CCDC91: variants seen among roughly 807,000 people sequenced by gnomAD.
CCDC91 encodes coiled-coil domain containing 91.
In CCDC91, 48 loss-of-function variants were observed where a neutral mutation model predicts 63.2. The observed-to-expected ratio is 0.76, with a 90% CI of 0.60 to 0.97. The LOEUF (loss-of-function observed/expected upper bound fraction) is 0.97, where lower values mean the gene tolerates loss of function less well. Among genes scored for constraint, CCDC91 ranks in the 50% least tolerant of loss-of-function variants. CCDC91 has a pLI of 0.00. For synonymous variants in CCDC91, 167 were observed against 165.8 expected (o/e 1.01, Z -0.06); for missense variants, 500 against 494.6 (o/e 1.01, Z -0.10).
intron 3 of CCDC91, among the ~76,000 whole-genome samples, chr12:28,284,653 CAA>C (rs536311445): frequency 3.7e-5 from 5 of 134,796 alleles, no homozygotes; most frequent in Admixed American, 7.5e-5. Flanking sequence ...AACTAGGTCT[CAA>C]AAAAAAAAAA....
chr12:28,243,819 A>G (rs191903947), intron 1 of CCDC91, among the ~76,000 whole-genome samples: 27 of 152,310 alleles, frequency 1.8e-4, no homozygotes, highest in Admixed American at 1.5e-3. Flanking sequence ...TGATTTGCCA[A>G]TAAATAAGTC....
chr12:28,419,206 A>G (rs1173311019), intron 8 of CCDC91, among the ~76,000 whole-genome samples: 2 of 152,188 alleles, frequency 1.3e-5, no homozygotes, highest in Non-Finnish European at 2.9e-5. Flanking sequence ...TTACAATAAA[A>G]TAAGAGTAAT....
chr12:28,516,317 T>C (rs1230175545), intron 12 of CCDC91, among the ~76,000 whole-genome samples: 1 of 151,914 alleles, frequency 6.6e-6, no homozygotes, highest in Non-Finnish European at 1.5e-5. Flanking sequence ...AGAAATTTAT[T>C]TTCTAGGCTG....
intron 8 of CCDC91, chr12:28,412,843 A>G: frequency 4.5e-6 from 2 of 448,380 alleles, no homozygotes; most frequent in South Asian, 3.2e-5. Flanking sequence ...GGTGTATTTT[A>G]CAATCCTCTT....
intron 12 of CCDC91, among the ~76,000 whole-genome samples, chr12:28,533,068 A>G (rs1000508547): frequency 6.6e-6 from 1 of 152,138 alleles, no homozygotes; most frequent in African/African-American, 2.4e-5. Flanking sequence ...TCCTCATAGT[A>G]TGCCCTATTT....
intron 6 of CCDC91, among the ~76,000 whole-genome samples, chr12:28,329,256 A>G (rs756638649): frequency 6.6e-6 from 1 of 152,154 alleles, no homozygotes; most frequent in Non-Finnish European, 1.5e-5. Flanking sequence ...TGGATTTTAA[A>G]GTCTATGTCC....
chr12:28,335,528 C>T (rs1017174665), intron 6 of CCDC91, among the ~76,000 whole-genome samples: 1 of 150,810 alleles, frequency 6.6e-6, no homozygotes, highest in African/African-American at 2.4e-5. Flanking sequence ...CTACCTCAGT[C>T]TCTTGAGTGG....
rs115596678 is a variant in CCDC91 at position 28,223,576 on chromosome 12, C to T, written c.-15+32935C>T. Among the ~76,000 whole-genome samples the T allele has an allele frequency of 8.3e-3, 1,262 of 152,202 alleles. 28 individuals carry two copies. Among genetic ancestry groups the T allele is most frequent in the African/African-American group, 0.029 (1,209 of 41,518 alleles). ...AAACAATATTGTCTCCTGTATATTT[C>T]TTCCTTTCTCTTTTGAAACTTACCT... On this transcript the variant is annotated intron_variant, in intron 1 of 12. Coordinates refer to ENST00000536442, the MANE Select transcript of CCDC91 (RefSeq NM_018318.5).
intron 3 of CCDC91, among the ~76,000 whole-genome samples, chr12:28,282,146 T>C (rs1474914316): frequency 6.6e-6 from 1 of 152,196 alleles, no homozygotes; most frequent in African/African-American, 2.4e-5. Context: ...CCTCACGTAC[T>C]ACCGTTAAGT....
intron 8 of CCDC91, among the ~76,000 whole-genome samples, chr12:28,435,158 A>G (rs796723355): frequency 6.6e-6 from 1 of 151,100 alleles, no homozygotes; most frequent in East Asian, 1.9e-4. Flanking sequence ...TCTTATTTGT[A>G]TATTTATTTT....
chr12:28,265,479 A>G (rs1293606429), intron 3 of CCDC91, among the ~76,000 whole-genome samples: 2 of 151,964 alleles, frequency 1.3e-5, no homozygotes, highest in Non-Finnish European at 2.9e-5. Flanking sequence ...AAGTTCAAAC[A>G]TTTTTCTCAA....
chr12:28,270,249 G>A (rs1947664270), intron 3 of CCDC91, among the ~76,000 whole-genome samples: 1 of 152,080 alleles, frequency 6.6e-6, no homozygotes, highest in East Asian at 1.9e-4. Context: ...AAAGTACTTA[G>A]AACACAAAGA....
At chr12:28,351,793 C>T (rs2138268685) in intron 6 of CCDC91, among the ~76,000 whole-genome samples, 1 of 151,996 alleles carries the variant, frequency 6.6e-6, no homozygotes, top group African/African-American at 2.4e-5. Context: ...TTTATTTTTC[C>T]TGCATCCTAG....
At chr12:28,268,998 G>C (rs1270773095) in intron 3 of CCDC91, among the ~76,000 whole-genome samples, 1 of 152,068 alleles carries the variant, frequency 6.6e-6, no homozygotes, top group Non-Finnish European at 1.5e-5. Context: ...GGCCAGACAG[G>C]GTTGAGGGAC....
At chr12:28,326,862 C>A (rs1941057218) in intron 6 of CCDC91, among the ~76,000 whole-genome samples, 1 of 151,980 alleles carries the variant, frequency 6.6e-6, no homozygotes, top group Non-Finnish European at 1.5e-5. Flanking sequence ...AAAGCCAGTA[C>A]ACAAAACTGA....
chr12:28,244,974 A>G (rs1945629052), intron 1 of CCDC91, among the ~76,000 whole-genome samples: 1 of 152,166 alleles, frequency 6.6e-6, no homozygotes, highest in African/African-American at 2.4e-5. Context: ...AGAAAGTATA[A>G]AAGAAGACAT....
At chr12:28,379,385 T>C (rs1945141469) in intron 7 of CCDC91, among the ~76,000 whole-genome samples, 1 of 149,760 alleles carries the variant, frequency 6.7e-6, no homozygotes. Context: ...TGGGAGAAAA[T>C]TTTTGCAGTC....
intron 12 of CCDC91, among the ~76,000 whole-genome samples, chr12:28,523,864 G>T (rs1345614418): frequency 1.3e-5 from 2 of 152,104 alleles, no homozygotes; most frequent in African/African-American, 2.4e-5. Context: ...GAAATTCTGG[G>T]TTGAAAATTC....
intron 11 of CCDC91, among the ~76,000 whole-genome samples, chr12:28,467,375 T>A (rs902140399): frequency 6.6e-6 from 1 of 151,908 alleles, no homozygotes; most frequent in African/African-American, 2.4e-5. Flanking sequence ...GGTCACTATA[T>A]AAGGAAAAAG....
Sources: gnomAD v4.1 joint callset for allele counts (sites outside exome capture counted in the v4.1 genomes callset) on GRCh38, gnomAD v4.1.1 for gene constraint, MANE v1.5 for transcripts, NCBI Gene and HGNC (gene_info 2026-07-23, HGNC 2026-07-21) for gene names.